TPST2: variants seen among roughly 807,000 people sequenced by gnomAD.
TPST2 encodes tyrosylprotein sulfotransferase 2.
TPST2 carries 16 observed loss-of-function variants against 27.8 expected under a neutral mutation model. The ratio of observed to expected loss-of-function variants is 0.58; its 90% CI spans 0.39 to 0.88. The LOEUF is 0.88. TPST2 is among the 40% of genes least tolerant of loss of function. The probability of loss-of-function intolerance (pLI) is 0.00; values close to 1 mark genes in which losing one functional copy is unlikely to be tolerated. For missense variants in TPST2, 464 were observed against 543.1 expected (o/e 0.85, Z 1.45); for synonymous variants, 229 against 231.7 (o/e 0.99, Z 0.10).
intron 3 of TPST2, among the ~76,000 whole-genome samples, chr22:26,538,443 C>G (rs1925601999): frequency 6.6e-6 from 1 of 152,230 alleles, no homozygotes; most frequent in Non-Finnish European, 1.5e-5. Context: ...ATCAGTAAAA[C>G]TGGAAATAAC....
intron 1 of TPST2, among the ~76,000 whole-genome samples, chr22:26,546,297 A>ACCCC (rs928442745): frequency 3.3e-5 from 5 of 151,492 alleles, no homozygotes; most frequent in African/African-American, 1.2e-4. Context: ...CAGCAACTAG[A>ACCCC]CCCCCCCACA....
rs1233605060 is a variant in TPST2 at position 26,522,669 on chromosome 22, G to A, written c.*3606C>T. On this transcript the variant is annotated 3_prime_UTR_variant, in exon 7 of 7. Transcript: ENST00000338754. ...CCACTGCAGCTTTGCCAGTAGCGAT[G>A]AAAACTGCTAACAGCCTAAGGGCCT... 7 of 152,258 alleles carry A rather than the reference G, an allele frequency of 4.6e-5. No homozygotes were observed. The highest frequency in any genetic ancestry group is 7.3e-5 in the Non-Finnish European group (5 of 68,076). 9.4% of individuals were successfully genotyped at this position (152,258 alleles called of 1,614,324 possible).
intron 1 of TPST2, among the ~76,000 whole-genome samples, chr22:26,556,790 G>T (rs1417330592): frequency 1.3e-5 from 2 of 152,214 alleles, no homozygotes; most frequent in South Asian, 4.1e-4. Flanking sequence ...TGCCTCAGGA[G>T]TCTAGATTCA....
At chr22:26,540,003 C>T (rs9613199) in intron 3 of TPST2, among the ~76,000 whole-genome samples, 62,841 of 152,064 alleles carry the variant, frequency 0.41, 13,542 homozygotes, top group Non-Finnish European at 0.46. Flanking sequence ...ACAGTAGGCA[C>T]TCATTAAATG....
chr22:26,558,332 G>A, intron 1 of TPST2, among the ~76,000 whole-genome samples: 1 of 151,872 alleles, frequency 6.6e-6, no homozygotes, highest in East Asian at 1.9e-4. Flanking sequence ...GTAAAGACAG[G>A]GTTTCATCAT....
At chr22:26,581,437 G>A (rs1210519107) in intron 1 of TPST2, among the ~76,000 whole-genome samples, 1 of 152,184 alleles carries the variant, frequency 6.6e-6, no homozygotes, top group African/African-American at 2.4e-5. Flanking sequence ...ACAGAAGGAT[G>A]GATTGAGAAA....
intron 4 of TPST2, among the ~76,000 whole-genome samples, chr22:26,535,634 T>C (rs1602255015): frequency 6.6e-6 from 1 of 152,136 alleles, no homozygotes; most frequent in East Asian, 1.9e-4. Flanking sequence ...AAATTAGCTG[T>C]GCATGGTGGC....
chr22:26,562,709 C>T (rs746065647), intron 1 of TPST2, among the ~76,000 whole-genome samples: 3 of 151,966 alleles, frequency 2.0e-5, no homozygotes, highest in African/African-American at 7.2e-5. Context: ...CTGCAACCTC[C>T]GCCTCCCAGG....
rs770653345 is a variant in TPST2, at chr22:26,541,146, G to A, written c.485C>T (p.Thr162Met). 8.1e-6 allele frequency: 13 copies of A among 1,606,878 alleles called. No homozygotes were observed. The Admixed American group carries it at 1.3e-4, about 17-fold the overall frequency. The change falls in exon 3 of 7, where the codon ACG becomes ATG. Residue 162 changes from threonine (T) to methionine (M), a missense_variant. By Grantham distance (81) the Thr-to-Met change is moderately conservative. Coordinates refer to ENST00000338754, the MANE Select transcript of TPST2 (RefSeq NM_003595.5). The surrounding 1 kb of genome is among the most constrained non-coding windows in gnomAD (Gnocchi z 5.9). ...CGACAGGTAGACCGAGGACTTGAGC[G>A]TAAATGGGTCCTTGTTGCAGAGCAC... ...ARVLCNKDPF[T>M]LKSSVYLSRL...
At position 26,528,229 on chromosome 22, in the gene TPST2, T is replaced by G; in HGVS notation, c.1126A>C (p.Ser376Arg). The change falls in exon 6 of 7, where the codon AGC becomes CGC. Residue 376 changes from serine (S) to arginine (R), a missense_variant. Ser to Arg is a moderately radical substitution (Grantham distance 110). Transcript: ENST00000338754. ...ACAGGCTTACCTGGAAATCACGAGC[T>G]TCCTAAGTGGGAGGAGGTGCTGTTC... ...NQNSTSSHLG[S>R]S 1 of 1,564,626 alleles carries G rather than the reference T, an allele frequency of 6.4e-7. No individual in the cohort carries two copies. The highest frequency in any genetic ancestry group is 8.7e-7 in the Non-Finnish European group (1 of 1,152,734).
intron 1 of TPST2, among the ~76,000 whole-genome samples, chr22:26,574,830 C>T (rs1211041654): frequency 6.6e-6 from 1 of 152,178 alleles, no homozygotes. Flanking sequence ...CCGCCAGGGA[C>T]TTGCCACCAA....
At chr22:26,565,269 C>T (rs1602291380) in intron 1 of TPST2, 1 of 152,532 alleles carries the variant, frequency 6.6e-6, no homozygotes, top group Non-Finnish European at 1.5e-5. Flanking sequence ...GAGGGTCAGG[C>T]TCGAGCTGGC....
intron 1 of TPST2, among the ~76,000 whole-genome samples, chr22:26,559,625 T>C (rs1926979863): frequency 6.6e-6 from 1 of 152,230 alleles, no homozygotes; most frequent in Non-Finnish European, 1.5e-5. Context: ...ATTCTGAACA[T>C]TTCATAAAAA....
At chr22:26,563,177 G>A (rs566423283) in intron 1 of TPST2, among the ~76,000 whole-genome samples, 1 of 152,228 alleles carries the variant, frequency 6.6e-6, no homozygotes, top group Non-Finnish European at 1.5e-5. Context: ...AACATTGCTT[G>A]AGCACCTACT....
chr22:26,565,978 A>T (rs1927359631), intron 1 of TPST2, among the ~76,000 whole-genome samples: 1 of 152,214 alleles, frequency 6.6e-6, no homozygotes, highest in African/African-American at 2.4e-5. Context: ...CACACACTTA[A>T]AAGTTTTCCA....
chr22:26,545,591 T>C (rs1926074808), intron 1 of TPST2, among the ~76,000 whole-genome samples: 1 of 152,156 alleles, frequency 6.6e-6, no homozygotes. Flanking sequence ...GGAAAAATCA[T>C]TTTACAGACT....
In TPST2 at chr22:26,560,549, G is replaced by C. The variant is rs1927033554; in HGVS notation, c.-160-15874C>G. 4 of 853,954 alleles carry C rather than the reference G, an allele frequency of 4.7e-6. No individual in the cohort carries two copies. In the Admixed American group the frequency reaches 5.1e-5, roughly 11 times the overall value. 52.9% of individuals were successfully genotyped at this position (853,954 alleles called of 1,614,324 possible). ...ACATGAGCAAAGGAGATCCTAAGAA[G>C]CTGAGAGGCAAAATGTCATCACATG... On this transcript the variant is annotated intron_variant, in intron 1 of 6. Coordinates refer to ENST00000338754, the MANE Select transcript of TPST2 (RefSeq NM_003595.5).
intron 1 of TPST2, among the ~76,000 whole-genome samples, chr22:26,579,488 T>G (rs954483034): frequency 2.6e-5 from 4 of 152,108 alleles, no homozygotes; most frequent in Admixed American, 2.6e-4. Flanking sequence ...ACCATGGCCT[T>G]GTAGGGCGGC....
intron 1 of TPST2, among the ~76,000 whole-genome samples, chr22:26,572,351 C>T (rs1927662886): frequency 6.6e-6 from 1 of 152,168 alleles, no homozygotes; most frequent in Non-Finnish European, 1.5e-5. Context: ...GCAAAGCTGG[C>T]ATGAGAGCAA....
Sources: allele counts gnomAD v4.1 joint callset (sites outside exome capture counted in the v4.1 genomes callset), GRCh38; gene constraint gnomAD v4.1.1; non-coding constraint Gnocchi (gnomAD v3.1); transcripts MANE v1.5; gene names NCBI Gene and HGNC (gene_info 2026-07-23, HGNC 2026-07-21).